Variants in FKBP5 observed in about 807,000 individuals in gnomAD.
The protein encoded by FKBP5 is peptidyl-prolyl cis-trans isomerase FKBP5.
A neutral mutation model predicts 50.5 loss-of-function variants in FKBP5; 23 were observed. The ratio of observed to expected loss-of-function variants is 0.46; its 90% CI spans 0.33 to 0.65. The LOEUF (loss-of-function observed/expected upper bound fraction) is 0.65, where lower values mean the gene tolerates loss of function less well. Ranked by LOEUF, FKBP5 falls within the 30% of genes least tolerant of loss-of-function variation. FKBP5 has a pLI of 0.02. For missense variants in FKBP5, 411 were observed against 553.1 expected (o/e 0.74, Z 2.58); for synonymous variants, 176 against 190.6 (o/e 0.92, Z 0.63).
chr6:35,654,333 CCAAG>C (rs1764890976), intron 1 of FKBP5, among the ~76,000 whole-genome samples: 1 of 152,104 alleles, frequency 6.6e-6, no homozygotes, highest in African/African-American at 2.4e-5. Context: ...ACTTCTTGTC[CCAAG>C]CATTTTGGAT....
At chr6:35,604,567 G>A (rs1017887688) in intron 5 of FKBP5, among the ~76,000 whole-genome samples, 1 of 151,554 alleles carries the variant, frequency 6.6e-6, no homozygotes, top group Non-Finnish European at 1.5e-5. Context: ...AAGTCTCACA[G>A]CTCCATCAGA....
chr6:35,673,814 G>T (rs1765456577), intron 1 of FKBP5, among the ~76,000 whole-genome samples: 1 of 151,576 alleles, frequency 6.6e-6, no homozygotes, highest in African/African-American at 2.4e-5. Flanking sequence ...AGTAATAACA[G>T]AAAATTTATT....
chr6:35,724,912 G>A (rs1382250083), intron 1 of FKBP5, among the ~76,000 whole-genome samples: 2 of 152,136 alleles, frequency 1.3e-5, no homozygotes, highest in African/African-American at 4.8e-5. Context: ...GGAGTAAATG[G>A]GATCCTGTAA....
At chr6:35,585,334 A>C (rs951378608) in intron 8 of FKBP5, 14 of 979,430 alleles carry the variant, frequency 1.4e-5, no homozygotes, top group Non-Finnish European at 1.7e-5. Context: ...CCCACTTGGA[A>C]TCTTACTTGA....
chr6:35,664,663 C>A (rs766307465), intron 1 of FKBP5: 3 of 154,116 alleles, frequency 1.9e-5, no homozygotes, highest in Non-Finnish European at 2.9e-5. Flanking sequence ...CCTTAAAATG[C>A]AGTTGTCAAT....
chr6:35,615,151 CA>C (rs1554132890), intron 5 of FKBP5, among the ~76,000 whole-genome samples: 5 of 90,030 alleles, frequency 5.6e-5, no homozygotes, highest in African/African-American at 1.3e-4. Context: ...ACAACAACAA[CA>C]ACTACACACA....
At chr6:35,615,740 T>C (rs1763633552) in intron 5 of FKBP5, among the ~76,000 whole-genome samples, 1 of 152,180 alleles carries the variant, frequency 6.6e-6, no homozygotes, top group Non-Finnish European at 1.5e-5. Flanking sequence ...AATGAGTGTG[T>C]AAAGTTGTGA....
chr6:35,710,846 C>T (rs4711428), intron 2 of FKBP5, among the ~76,000 whole-genome samples: 6 of 151,892 alleles, frequency 4.0e-5, no homozygotes, highest in East Asian at 3.9e-4. Flanking sequence ...TGCAAAAACA[C>T]GAACAAATCT....
At chr6:35,702,220 A>T (rs1335554639) in intron 2 of FKBP5, among the ~76,000 whole-genome samples, 2 of 151,752 alleles carry the variant, frequency 1.3e-5, no homozygotes, top group Non-Finnish European at 2.9e-5. Context: ...TGGTCCAATA[A>T]CTCCTCACTA....
Position 35,580,200 on chromosome 6 carries a change from C to G in FKBP5, c.862G>C (p.Val288Leu), listed in dbSNP as rs1434399945. 6 of 1,613,342 alleles carry G rather than the reference C, an allele frequency of 3.7e-6. No homozygotes were observed. In the Admixed American group the frequency reaches 1.0e-4, roughly 27 times the overall value. The stretch of plus-strand genomic sequence containing the variant: ...GACACTATCTTCCCATACTGAATCA[C>G]CGCCTGCATGTATTTGCCTCCCTAG... Reference protein sequence around the residue: ...YFKGGKYMQAVIQYGKIVSWL... With the variant: ...YFKGGKYMQALIQYGKIVSWL... The change falls in exon 9 of 11, where the codon GTG becomes CTG. Residue 288 changes from valine (V) to leucine (L), a missense_variant. By Grantham distance (32) the Val-to-Leu change is conservative. Coordinates refer to ENST00000357266, the MANE Select transcript of FKBP5 (RefSeq NM_004117.4).
intron 1 of FKBP5, among the ~76,000 whole-genome samples, chr6:35,648,467 G>A (rs957663314): frequency 4.6e-5 from 7 of 151,780 alleles, no homozygotes; most frequent in Admixed American, 4.6e-4. Flanking sequence ...GAAGAGACAG[G>A]GTCTCACTAT....
chr6:35,621,145 A>G (rs1466557629), intron 3 of FKBP5, among the ~76,000 whole-genome samples: 1 of 152,224 alleles, frequency 6.6e-6, no homozygotes, highest in Admixed American at 6.5e-5. Flanking sequence ...AGAACTTAAA[A>G]TATTTTATTT....
chr6:35,652,831 A>C (rs1447743792), intron 1 of FKBP5, among the ~76,000 whole-genome samples: 2 of 151,964 alleles, frequency 1.3e-5, no homozygotes, highest in Non-Finnish European at 2.9e-5. Flanking sequence ...CCTAATAAAA[A>C]CTTGCTGGTT....
At chr6:35,599,304 A>T (rs1763076263) in intron 5 of FKBP5, among the ~76,000 whole-genome samples, 1 of 152,168 alleles carries the variant, frequency 6.6e-6, no homozygotes, top group Admixed American at 6.5e-5. Flanking sequence ...TCTCAATATC[A>T]ATATAGTCCA....
chr6:35,724,756 A>AG, intron 1 of FKBP5, among the ~76,000 whole-genome samples: 1 of 147,342 alleles, frequency 6.8e-6, no homozygotes, highest in East Asian at 1.9e-4. Flanking sequence ...ACCTTGTCTC[A>AG]GAAAAAAAAA....
At chr6:35,652,301 G>A (rs1039326987) in intron 1 of FKBP5, among the ~76,000 whole-genome samples, 6 of 152,326 alleles carry the variant, frequency 3.9e-5, no homozygotes, top group East Asian at 3.9e-4. Flanking sequence ...AAAAGAACAG[G>A]ATAACAGCAA....
At chr6:35,652,968 T>C (rs1163237326) in intron 1 of FKBP5, among the ~76,000 whole-genome samples, 2 of 151,934 alleles carry the variant, frequency 1.3e-5, no homozygotes, top group East Asian at 3.9e-4. Flanking sequence ...CTTAGGAAAA[T>C]AGAAAAGAAC....
intron 9 of FKBP5, among the ~76,000 whole-genome samples, chr6:35,579,170 T>G (rs936367568): frequency 2.6e-5 from 4 of 151,474 alleles, no homozygotes; most frequent in African/African-American, 9.7e-5. Flanking sequence ...ACACACTCTC[T>G]CTCTCTCTCT....
upstream of FKBP5, among the ~76,000 whole-genome samples, chr6:35,692,627 T>C (rs143749873): frequency 3.1e-3 from 466 of 151,974 alleles, 1 homozygote; most frequent in African/African-American, 0.01. Flanking sequence ...GGTGAAACCC[T>C]GTCTCTACTA....
Sources: allele counts gnomAD v4.1 joint callset (sites outside exome capture counted in the v4.1 genomes callset), GRCh38; gene constraint gnomAD v4.1.1; transcripts MANE v1.5; gene names NCBI Gene and HGNC (gene_info 2026-07-23, HGNC 2026-07-21).